The following TRIO variants were observed in gnomAD, a reference collection of about 807,000 sequenced individuals.
TRIO encodes the protein triple functional domain protein.
A neutral mutation model predicts 351.9 loss-of-function variants in TRIO; 58 were observed. The observed-to-expected ratio is 0.16, with a 90% CI of 0.13 to 0.21. The LOEUF (loss-of-function observed/expected upper bound fraction) is 0.21. Ranked by LOEUF, TRIO falls within the 10% of genes least tolerant of loss-of-function variation. The pLI, the probability that TRIO is intolerant of heterozygous loss-of-function variation, is 1.00. For missense variants in TRIO, 3,201 were observed against 4,027.8 expected (o/e 0.79, Z 5.56); for synonymous variants, 1,758 against 1,595.7 (o/e 1.10, Z -2.42).
intron 27 of TRIO, among the ~76,000 whole-genome samples, chr5:14,393,030 G>A (rs946336905): frequency 6.7e-6 from 1 of 149,536 alleles, no homozygotes; most frequent in East Asian, 2.0e-4. Flanking sequence ...CTGGGCGACA[G>A]AGCGAGACTC....
intron 27 of TRIO, 129 bp downstream of exon 27, chr5:14,391,119 T>G: frequency 1.4e-6 from 1 of 697,900 alleles, no homozygotes; most frequent in Admixed American, 3.6e-5. Context: ...TGTCTATCAT[T>G]TTGTCTATCA....
chr5:14,297,470 G>T (rs1737462513), intron 7 of TRIO: 3 of 529,574 alleles, frequency 5.7e-6, no homozygotes, highest in Non-Finnish European at 9.7e-6. Flanking sequence ...TCTCTGTTTT[G>T]TTTTTTCATT....
intron 28 of TRIO, among the ~76,000 whole-genome samples, chr5:14,394,861 T>G (rs183136626): frequency 1.3e-4 from 20 of 152,226 alleles, no homozygotes; most frequent in African/African-American, 4.6e-4. Context: ...TTTTATATTA[T>G]ATATCATCAA....
chr5:14,467,890 C>A (rs908196978), intron 37 of TRIO, among the ~76,000 whole-genome samples: 1 of 152,176 alleles, frequency 6.6e-6, no homozygotes, highest in African/African-American at 2.4e-5. Flanking sequence ...CTTTAAAAGA[C>A]AAGTTGATAA....
intron 20 of TRIO, among the ~76,000 whole-genome samples, chr5:14,378,427 T>C (rs1414743773): frequency 6.6e-6 from 1 of 152,202 alleles, no homozygotes; most frequent in Non-Finnish European, 1.5e-5. Flanking sequence ...GGAATCTTGG[T>C]TCTGTACTTA....
At chr5:14,393,896 T>G (rs1329842392) in intron 27 of TRIO, 142 bp from the exon 28 acceptor site, 1 of 487,150 alleles carries the variant, frequency 2.1e-6, no homozygotes, top group Admixed American at 3.8e-5. Context: ...TTTAAAAGCC[T>G]CTTAGGAAAA....
Position 14,509,338 on chromosome 5 carries a change from A to G in TRIO, c.*916A>G. ...CCTCTGTTGTACCTGTAATAAATAT[A>G]TAGAAAAAGCACATACTTCGTATGG... On this transcript the variant is annotated 3_prime_UTR_variant, in exon 57 of 57. Transcript: ENST00000344204. The G allele has an allele frequency of 2.3e-6, 1 of 436,860 alleles. No homozygotes were observed. The highest frequency in any genetic ancestry group is 7.1e-5 in the East Asian group (1 of 14,082). 27.1% of individuals were successfully genotyped at this position (436,860 alleles called of 1,614,324 possible). A position where few individuals can be genotyped will look rare whatever the true frequency, so the allele number is the denominator to read the frequency against.
intron 9 of TRIO, among the ~76,000 whole-genome samples, chr5:14,327,913 A>AT (rs1740533157): frequency 6.6e-6 from 1 of 152,250 alleles, no homozygotes; most frequent in Admixed American, 6.5e-5. Flanking sequence ...GTTTTATAAT[A>AT]TAAAAGACTG....
At chr5:14,156,251 C>T (rs532171700) in intron 1 of TRIO, among the ~76,000 whole-genome samples, 1 of 152,110 alleles carries the variant, frequency 6.6e-6, no homozygotes. Flanking sequence ...GCTTTCCTTG[C>T]CCCAGGGCTG....
chr5:14,377,956 C>G, intron 19 of TRIO, 56 bp from the exon 20 acceptor site: 2 of 1,312,420 alleles, frequency 1.5e-6, no homozygotes, highest in Non-Finnish European at 2.2e-6. Context: ...TGGAATTTCG[C>G]GGTTGTTTTA....
chr5:14,491,278 G>A (rs1756462217), intron 48 of TRIO, among the ~76,000 whole-genome samples: 1 of 152,204 alleles, frequency 6.6e-6, no homozygotes, highest in South Asian at 2.1e-4. Flanking sequence ...CCAGGGCTGA[G>A]AGGCGGTAGA....
At chr5:14,507,826 G>T in intron 56 of TRIO, 54 bp from the exon 57 acceptor site, 1 of 1,566,836 alleles carries the variant, frequency 6.4e-7, no homozygotes, top group Non-Finnish European at 8.6e-7. Context: ...CCATCATCAC[G>T]AGTAAGCTTA....
intron 43 of TRIO, among the ~76,000 whole-genome samples, chr5:14,480,586 C>A (rs909637838): frequency 6.6e-6 from 1 of 152,150 alleles, no homozygotes; most frequent in Non-Finnish European, 1.5e-5. Flanking sequence ...GGCAGAGTCA[C>A]GTGTTTTTCT....
intron 1 of TRIO, among the ~76,000 whole-genome samples, chr5:14,178,100 G>C (rs1423069914): frequency 1.3e-5 from 2 of 152,070 alleles, no homozygotes; most frequent in African/African-American, 4.8e-5. Context: ...AATTCATTTT[G>C]CCACTTCTTT....
rs1756930403 is a variant in TRIO at position 14,496,888 on chromosome 5, A to G, written c.7890A>G (p.Thr2630=). Reference sequence around the variant, plus strand: ...TGTTCATTTCCCCTAGGAAGTCAACATCTTGGCACACAGCACTCCGTTTAA... The same window carrying G: ...TGTTCATTTCCCCTAGGAAGTCAACGTCTTGGCACACAGCACTCCGTTTAA... ...ENPDGTLKKS[T]SWHTALRLRK... The change falls in exon 50 of 57, where the codon ACA becomes ACG. Residue 2630 remains threonine, a synonymous_variant. Coordinates refer to ENST00000344204, the MANE Select transcript of TRIO (RefSeq NM_007118.4). 1.2e-6 allele frequency: 2 copies of G among 1,614,036 alleles called. No individual in the cohort carries two copies. Among genetic ancestry groups the G allele is most frequent in the African/African-American group, 1.3e-5 (1 of 74,934 alleles).
chr5:14,143,978 T>TGCCC (rs1787332759), intron 1 of TRIO, 96 bp downstream of exon 1: 2 of 916,126 alleles, frequency 2.2e-6, no homozygotes, highest in Non-Finnish European at 2.6e-6. Flanking sequence ...CGCGCGCTGG[T>TGCCC]GCCCGCCCGT....
chr5:14,282,579 T>C (rs997753183), intron 3 of TRIO, among the ~76,000 whole-genome samples: 1 of 152,208 alleles, frequency 6.6e-6, no homozygotes, highest in East Asian at 1.9e-4. Context: ...AAAAAAACCT[T>C]TTTTTTGTGG....
At position 14,481,259 on chromosome 5, in the gene TRIO, C is replaced by T; in HGVS notation, c.6362C>T (p.Ala2121Val). Residue 2121 changes from alanine to valine, a missense_variant, in exon 44 of 57, where the codon GCC (alanine) becomes GTC (valine). By Grantham distance (64) the Ala-to-Val change is moderately conservative (BLOSUM62 0). Coordinates refer to ENST00000344204, the MANE Select transcript of TRIO (RefSeq NM_007118.4). ...LKDFLKYSKK[A>V]SLDTSELERA... Reference sequence around the variant, plus strand: ...GACTTCCTCAAGTATTCCAAAAAGGCCAGCCTGGATACATCAGAATTAGAG... The same window carrying T: ...GACTTCCTCAAGTATTCCAAAAAGGTCAGCCTGGATACATCAGAATTAGAG... 1 of 1,614,004 alleles carries T rather than the reference C, an allele frequency of 6.2e-7. No homozygotes were observed.
chr5:14,368,873 G>T lies in TRIO; in HGVS notation c.3040G>T (p.Val1014Phe). ...EDRLKLVNAS[V>F]AFYKTSEQVC... Reference sequence around the variant, plus strand: ...TCGCCTCAAGCTCGTCAACGCCTCTGTCGCTTTCTACAAAACCTCAGAGCA... The same window carrying T: ...TCGCCTCAAGCTCGTCAACGCCTCTTTCGCTTTCTACAAAACCTCAGAGCA... The change falls in exon 17 of 57, where the codon GTC (valine) becomes TTC (phenylalanine). Residue 1014 changes from valine (V) to phenylalanine (F), a missense_variant. By Grantham distance (50) the Val-to-Phe change is conservative (BLOSUM62 -1). Coordinates refer to ENST00000344204, the MANE Select transcript of TRIO (RefSeq NM_007118.4). 6.2e-7 allele frequency: 1 copy of T among 1,614,084 alleles called. No individual in the cohort carries two copies. The highest frequency in any genetic ancestry group is 8.5e-7 in the Non-Finnish European group (1 of 1,180,004).
Sources: gnomAD v4.1 joint callset for allele counts (sites outside exome capture counted in the v4.1 genomes callset) on GRCh38, gnomAD v4.1.1 for gene constraint, MANE v1.5 for transcripts, NCBI Gene and HGNC (gene_info 2026-07-23, HGNC 2026-07-21) for gene names.